Variants in MCTP2 observed in about 807,000 individuals in gnomAD.
MCTP2 encodes multiple C2 and transmembrane domain containing 2, also known as multiple C2 and transmembrane domain-containing protein 2.
In MCTP2, 132 loss-of-function variants were observed where a neutral mutation model predicts 111.6. The observed-to-expected ratio is 1.18, with a 90% CI of 1.03 to 1.37. The LOEUF (loss-of-function observed/expected upper bound fraction) is 1.37. MCTP2 is among the 40% of genes most tolerant of loss of function. MCTP2 has a pLI of 0.00. For missense variants in MCTP2, 1,183 were observed against 1,067.9 expected, an observed-to-expected ratio of 1.11 and a Z score of -1.50; for synonymous variants, 395 against 387.7, an observed-to-expected ratio of 1.02 and a Z score of -0.22.
At chr15:94,474,687 C>T (rs1383838513) in intron 21 of MCTP2, among the ~76,000 whole-genome samples, 1 of 152,050 alleles carries the variant, frequency 6.6e-6, no homozygotes, top group Non-Finnish European at 1.5e-5. Context: ...GGCGAAACCC[C>T]ATCTCTTAAA....
At chr15:94,355,829 A>T in intron 8 of MCTP2, 1 of 717,560 alleles carries the variant, frequency 1.4e-6, no homozygotes, top group Non-Finnish European at 1.7e-6. Flanking sequence ...TCACACTATT[A>T]AAATAGCTAA....
At chr15:94,267,337 C>A (rs2073596861) in intron 1 of MCTP2, among the ~76,000 whole-genome samples, 1 of 152,092 alleles carries the variant, frequency 6.6e-6, no homozygotes, top group Admixed American at 6.5e-5. Context: ...TGTACGAATT[C>A]TTTCACTTAG....
At chr15:94,414,664 T>C (rs2082297473) in intron 17 of MCTP2, among the ~76,000 whole-genome samples, 1 of 152,116 alleles carries the variant, frequency 6.6e-6, no homozygotes, top group South Asian at 2.1e-4. Flanking sequence ...TTTTATTTGA[T>C]TTTCCCCCTT....
At chr15:94,426,496 T>G (rs7180817) in intron 17 of MCTP2, among the ~76,000 whole-genome samples, 22,197 of 152,170 alleles carry the variant, frequency 0.15, 1,882 homozygotes, top group Non-Finnish European at 0.19. Context: ...TCTGTTCCAC[T>G]GTTAAATTCA....
At chr15:94,255,915 C>A (rs867921210) in intron 1 of MCTP2, among the ~76,000 whole-genome samples, 2 of 152,276 alleles carry the variant, frequency 1.3e-5, no homozygotes, top group Middle Eastern at 3.4e-3. Context: ...GTTGTACTTA[C>A]TTCTGTTAAT....
chr15:94,340,744 C>T, intron 6 of MCTP2, 69 bp from the exon 7 acceptor site: 4 of 909,516 alleles, frequency 4.4e-6, no homozygotes, highest in Non-Finnish European at 6.8e-6. Flanking sequence ...ACCATAAGCT[C>T]CTGATGCGTG....
intron 7 of MCTP2, among the ~76,000 whole-genome samples, 175 bp from the exon 8 acceptor site, chr15:94,344,951 TTTG>T (rs1446060624): frequency 6.6e-6 from 1 of 152,228 alleles, no homozygotes; most frequent in Admixed American, 6.5e-5. Context: ...CATGTGACTC[TTTG>T]TTGTTGTTTC....
chr15:94,356,661 A>G (rs1185826260), intron 9 of MCTP2, among the ~76,000 whole-genome samples: 1 of 152,196 alleles, frequency 6.6e-6, no homozygotes, highest in East Asian at 1.9e-4. Flanking sequence ...ATAATACGTG[A>G]TATTTGGGTT....
chr15:94,297,208 A>T (rs1487891141), intron 1 of MCTP2, among the ~76,000 whole-genome samples: 1 of 152,196 alleles, frequency 6.6e-6, no homozygotes, highest in Non-Finnish European at 1.5e-5. Context: ...TTATTTCTGC[A>T]AATTTGATTT....
rs575343232 is a variant in MCTP2 at position 94,350,033 on chromosome 15, T to A, written c.1005+4869T>A. 3.9e-5 allele frequency among the ~76,000 whole-genome samples: 6 copies of A among 152,296 alleles called. No homozygotes were observed. The South Asian group carries it at 1.0e-3, about 26-fold the overall frequency. The stretch of plus-strand genomic sequence containing the variant: ...CAACTTCCTGGCTCCCATCTTAGAC[T>A]TCTTCAATCAGCAACTCTGGAAATG... On this transcript the variant is annotated intron_variant, in intron 8 of 22. Transcript: ENST00000357742.
chr15:94,243,053 CTACACATACACGTGTA>C lies in MCTP2; in HGVS notation c.-66+11392_-66+11407del, dbSNP rs1302656658. Among the ~76,000 whole-genome samples the C allele has an allele frequency of 7.1e-5, 5 of 70,920 alleles. 1 individual carries two copies. The highest frequency in any genetic ancestry group is 2.8e-4 in the African/African-American group (5 of 17,972). 46.5% of individuals were successfully genotyped at this position (70,920 alleles called of 152,430 possible). A position where few individuals can be genotyped will look rare whatever the true frequency, so the allele number is the denominator to read the frequency against. ...TACACATACACGTGTATATGTGTATCTACACATACACGTGTATATGTGTATCTACACATATACGTGT... is the reference window on the plus strand; with the variant it reads ...TACACATACACGTGTATATGTGTATCTATGTGTATCTACACATATACGTGT... On this transcript the variant is annotated intron_variant, in intron 1 of 22. Transcript: ENST00000357742.
At chr15:94,400,845 C>G (rs977999987) in intron 16 of MCTP2, among the ~76,000 whole-genome samples, 14 of 152,094 alleles carry the variant, frequency 9.2e-5, no homozygotes, top group Non-Finnish European at 1.6e-4. Context: ...TTCCCATGAA[C>G]TTCTGGGCAT....
At chr15:94,342,966 ACATATATATG>A (rs2077740464) in intron 7 of MCTP2, 2 of 150,510 alleles carry the variant, frequency 1.3e-5, no homozygotes, top group South Asian at 4.2e-4. Context: ...GTATATATAC[ACATATATATG>A]GATCCATATA....
intron 1 of MCTP2, among the ~76,000 whole-genome samples, chr15:94,276,470 C>A (rs533607050): frequency 1.3e-5 from 2 of 151,840 alleles, no homozygotes; most frequent in South Asian, 4.1e-4. Flanking sequence ...TAAGTTCTAG[C>A]AATTAAGTAA....
chr15:94,390,082 A>ACATG (rs1423674269), intron 14 of MCTP2, among the ~76,000 whole-genome samples: 1 of 11,122 alleles, frequency 9.0e-5, no homozygotes, highest in African/African-American at 1.9e-4. Context: ...ATATATATAT[A>ACATG]TATATATGTA....
intron 17 of MCTP2, among the ~76,000 whole-genome samples, chr15:94,434,857 CTT>C (rs751539621): frequency 1.4e-5 from 2 of 139,050 alleles, no homozygotes; most frequent in African/African-American, 5.4e-5. Flanking sequence ...TTCTTTCTTT[CTT>C]TTTTTTTTTC....
rs777004371 is a variant in MCTP2 at position 94,414,071 on chromosome 15, A to C, written c.2085+12052A>C. Among the ~76,000 whole-genome samples, 15 of 152,308 alleles carry C rather than the reference A, an allele frequency of 9.8e-5. 1 individual carries two copies. Among genetic ancestry groups the C allele is most frequent in the Middle Eastern group, 3.4e-3 (1 of 294 alleles). ...TTCAAGGTGGAGCTGCCTTGATTCT[A>C]AGAAAATGTAATTATTTTGGTTTAA... On this transcript the variant is annotated intron_variant, in intron 17 of 22. Transcript: ENST00000357742.
At chr15:94,249,812 C>T (rs911840162) in intron 1 of MCTP2, among the ~76,000 whole-genome samples, 1 of 152,108 alleles carries the variant, frequency 6.6e-6, no homozygotes. Context: ...AACAGCTCTT[C>T]AGGTAGCTGT....
At chr15:94,398,414 A>G (rs942615468) in intron 14 of MCTP2, among the ~76,000 whole-genome samples, 2 of 152,352 alleles carry the variant, frequency 1.3e-5, no homozygotes, top group South Asian at 2.1e-4. Context: ...GACGTTATAT[A>G]CTACCATAAT....
Sources: allele counts gnomAD v4.1 joint callset (sites outside exome capture counted in the v4.1 genomes callset), GRCh38; gene constraint gnomAD v4.1.1; transcripts MANE v1.5; gene names NCBI Gene and HGNC (gene_info 2026-07-23, HGNC 2026-07-21).